Variants in ACOXL observed in about 807,000 individuals in gnomAD.
ACOXL encodes the protein acyl-CoA oxidase like, also known as acyl-coenzyme A oxidase-like protein.
A neutral mutation model predicts 71.9 loss-of-function variants in ACOXL; 70 were observed. The observed-to-expected ratio is 0.97, with a 90% CI of 0.80 to 1.19. ACOXL has a LOEUF of 1.19. Ranked by LOEUF, ACOXL falls within the 50% of genes most tolerant of loss-of-function variation. ACOXL has a pLI of 0.00. For synonymous variants in ACOXL, 253 were observed against 281.6 expected (o/e 0.90, Z 1.02); for missense variants, 703 against 736.3 (o/e 0.95, Z 0.52).
chr2:110,828,125 C>T (rs545166910), intron 9 of ACOXL, among the ~76,000 whole-genome samples: 8 of 152,200 alleles, frequency 5.3e-5, no homozygotes, highest in East Asian at 3.9e-4. Context: ...CACATGCCAT[C>T]GCACCTGGCT....
intron 10 of ACOXL, among the ~76,000 whole-genome samples, chr2:110,878,675 G>A (rs560586725): frequency 6.6e-6 from 1 of 152,002 alleles, no homozygotes. Flanking sequence ...TGAGGCAGGA[G>A]AATCCCTTGA....
chr2:110,769,313 T>C (rs977946615), intron 2 of ACOXL, among the ~76,000 whole-genome samples: 4 of 152,184 alleles, frequency 2.6e-5, no homozygotes, highest in Non-Finnish European at 4.4e-5. Flanking sequence ...AGGAGTGATG[T>C]ATTTTAGCCA....
chr2:110,968,144 T>G (rs2062012763), intron 12 of ACOXL: 13 of 1,330,946 alleles, frequency 9.8e-6, no homozygotes, highest in Admixed American at 5.0e-5. Flanking sequence ...ACTGGCCTGC[T>G]GCTGGCCCGC....
At chr2:110,867,835 T>C (rs1238957427) in intron 10 of ACOXL, among the ~76,000 whole-genome samples, 1 of 152,180 alleles carries the variant, frequency 6.6e-6, no homozygotes, top group African/African-American at 2.4e-5. Flanking sequence ...TGATCTCGGC[T>C]CACTGCAAGC....
chr2:111,094,280 G>A (rs1020433351), intron 17 of ACOXL: 1 of 152,188 alleles, frequency 6.6e-6, no homozygotes, highest in African/African-American at 2.4e-5. Context: ...ATGTAATGAT[G>A]CTACAGTAAT....
intron 1 of ACOXL, among the ~76,000 whole-genome samples, chr2:110,758,131 C>G (rs943351710): frequency 1.9e-4 from 29 of 152,288 alleles, no homozygotes; most frequent in African/African-American, 7.0e-4. Flanking sequence ...TCTCCCAGCA[C>G]CATTTATTAA....
intron 3 of ACOXL, among the ~76,000 whole-genome samples, chr2:110,785,370 TTGTGTGTGTGTG>T (rs34917698): frequency 2.7e-5 from 4 of 145,670 alleles, no homozygotes; most frequent in Admixed American, 6.8e-5. Context: ...ATGCACTCAG[TTGTGTGTGTGTG>T]TGTGTGTGTG....
intron 11 of ACOXL, among the ~76,000 whole-genome samples, chr2:110,932,005 C>T (rs2060493750): frequency 6.6e-6 from 1 of 152,018 alleles, no homozygotes; most frequent in African/African-American, 2.4e-5. Flanking sequence ...TGCAATAGTC[C>T]CAAACTGGAA....
intron 11 of ACOXL, among the ~76,000 whole-genome samples, chr2:110,924,852 A>G (rs1026730782): frequency 1.6e-4 from 24 of 151,894 alleles, no homozygotes; most frequent in African/African-American, 5.6e-4. Context: ...TAGGTCCCTA[A>G]GAGGAATCAC....
chr2:111,089,466 G>T (rs1413435659), intron 16 of ACOXL, among the ~76,000 whole-genome samples: 1 of 152,210 alleles, frequency 6.6e-6, no homozygotes, highest in African/African-American at 2.4e-5. Context: ...TTCAGCTGAT[G>T]TAGACCTATC....
At chr2:110,809,723 G>A (rs1323677164) in intron 9 of ACOXL, among the ~76,000 whole-genome samples, 1 of 152,174 alleles carries the variant, frequency 6.6e-6, no homozygotes, top group Non-Finnish European at 1.5e-5. Flanking sequence ...GTGACCTTCT[G>A]ACTGCAAGGG....
chr2:110,781,123 T>C (rs748745646), intron 2 of ACOXL, among the ~76,000 whole-genome samples: 3 of 152,218 alleles, frequency 2.0e-5, no homozygotes, highest in Admixed American at 6.5e-5. Context: ...GGGAAGGGAA[T>C]GCCCTGTGCT....
At chr2:110,962,014 A>G (rs778727576) in intron 12 of ACOXL, among the ~76,000 whole-genome samples, 1 of 152,234 alleles carries the variant, frequency 6.6e-6, no homozygotes, top group Non-Finnish European at 1.5e-5. Context: ...AAACCATATC[A>G]GGTGGTATAT....
chr2:110,992,179 A>C (rs2063199898), intron 13 of ACOXL, among the ~76,000 whole-genome samples: 1 of 152,200 alleles, frequency 6.6e-6, no homozygotes, highest in Non-Finnish European at 1.5e-5. Flanking sequence ...AAATATTTGG[A>C]AAGTTCCAGT....
chr2:111,036,185 G>A (rs1019530166), intron 15 of ACOXL, among the ~76,000 whole-genome samples: 35 of 152,198 alleles, frequency 2.3e-4, no homozygotes, highest in African/African-American at 7.7e-4. Context: ...GGAGGTGGAG[G>A]CCTGGAGGGG....
At chr2:110,734,542 A>T (rs1254959035) in intron 1 of ACOXL, among the ~76,000 whole-genome samples, 1 of 152,034 alleles carries the variant, frequency 6.6e-6, no homozygotes, top group Non-Finnish European at 1.5e-5. Context: ...AAGTGCTGGG[A>T]CCTCATAATT....
At chr2:110,903,111 C>T (rs2059305131) in intron 10 of ACOXL, among the ~76,000 whole-genome samples, 1 of 152,310 alleles carries the variant, frequency 6.6e-6, no homozygotes, top group East Asian at 1.9e-4. Flanking sequence ...CCCCAAAGCT[C>T]CTCTCCTTTG....
intron 1 of ACOXL, among the ~76,000 whole-genome samples, chr2:110,734,074 A>G (rs1323447386): frequency 6.6e-6 from 1 of 152,088 alleles, no homozygotes; most frequent in Non-Finnish European, 1.5e-5. Context: ...AGGGATTTGT[A>G]AAAATATAGA....
At chr2:110,781,127 C>T (rs1335444301) in intron 2 of ACOXL, among the ~76,000 whole-genome samples, 1 of 152,164 alleles carries the variant, frequency 6.6e-6, no homozygotes, top group Non-Finnish European at 1.5e-5. Context: ...AGGGAATGCC[C>T]TGTGCTCTTG....
Sources: allele counts gnomAD v4.1 joint callset (sites outside exome capture counted in the v4.1 genomes callset), GRCh38; gene constraint gnomAD v4.1.1; transcripts MANE v1.5; gene names NCBI Gene and HGNC (gene_info 2026-07-23, HGNC 2026-07-21).